The following WWTR1 variants were observed in gnomAD, a reference collection of about 807,000 sequenced individuals.
WWTR1 encodes the protein WW domain-containing transcription regulator protein 1.
WWTR1 carries 13 observed loss-of-function variants against 40.1 expected under a neutral mutation model. The observed-to-expected ratio is 0.32, with a 90% CI of 0.21 to 0.52. The LOEUF (loss-of-function observed/expected upper bound fraction) is 0.52. Among genes scored for constraint, WWTR1 ranks in the 20% least tolerant of loss-of-function variants. The pLI is 0.97. For missense variants in WWTR1, 436 were observed against 523.1 expected (o/e 0.83, Z 1.63); for synonymous variants, 230 against 210.1 (o/e 1.09, Z -0.82).
At chr3:149,569,428 T>A (rs1277038306) in intron 3 of WWTR1, among the ~76,000 whole-genome samples, 1 of 152,166 alleles carries the variant, frequency 6.6e-6, no homozygotes, top group Non-Finnish European at 1.5e-5. Context: ...ATAATCCCCA[T>A]TGTACATATG....
At chr3:149,719,158 TTC>T (rs903537159) in intron 4 of WWTR1, among the ~76,000 whole-genome samples, 2 of 150,924 alleles carry the variant, frequency 1.3e-5, no homozygotes, top group Admixed American at 1.3e-4. Flanking sequence ...CTGAATAATA[TTC>T]TTTTTCTTTT....
chr3:149,625,512 A>G (rs1470823473), intron 2 of WWTR1, among the ~76,000 whole-genome samples: 1 of 151,190 alleles, frequency 6.6e-6, no homozygotes, highest in East Asian at 2.0e-4. Flanking sequence ...GGGGCTGAGC[A>G]TGGTATGGTG....
At chr3:149,633,934 T>C (rs1038389948) in intron 2 of WWTR1, among the ~76,000 whole-genome samples, 10 of 152,122 alleles carry the variant, frequency 6.6e-5, no homozygotes, top group African/African-American at 2.4e-4. Context: ...AGAAGAGTTC[T>C]GTAGCAGGAA....
intron 2 of WWTR1, among the ~76,000 whole-genome samples, chr3:149,615,401 A>G (rs968826360): frequency 6.6e-6 from 1 of 152,232 alleles, no homozygotes; most frequent in African/African-American, 2.4e-5. Flanking sequence ...CAAATTTAAA[A>G]CATTTCTAAA....
Position 149,517,491 on chromosome 3 carries a change from G to A in WWTR1, c.*3314C>T, listed in dbSNP as rs1324527431. 2.0e-5 allele frequency: 3 copies of A among 152,072 alleles called. No homozygotes were observed. The highest frequency in any genetic ancestry group is 2.9e-5 in the Non-Finnish European group (2 of 68,006). The allele number at this position is 152,072 out of a possible 1,614,324, so 9.4% of individuals were successfully genotyped here. ...CATTTTCCCAATTAAATTAACCTACGATTTCCTTTTTTTAACAGCTTATTT... is the reference window on the plus strand; with the variant it reads ...CATTTTCCCAATTAAATTAACCTACAATTTCCTTTTTTTAACAGCTTATTT... On this transcript the variant is annotated 3_prime_UTR_variant, in exon 7 of 7. Coordinates refer to ENST00000360632, the MANE Select transcript of WWTR1 (RefSeq NM_015472.6).
chr3:149,603,854 C>CAAAAAAAAAAAAAA (rs370980729), intron 2 of WWTR1, among the ~76,000 whole-genome samples: 1 of 83,284 alleles, frequency 1.2e-5, no homozygotes, highest in Non-Finnish European at 2.3e-5. Context: ...AGCGGCATAC[C>CAAAAAAAAAAAAAA]AAAAAAAAAA....
chr3:149,549,213 C>T (rs1466280206), intron 3 of WWTR1, among the ~76,000 whole-genome samples: 1 of 152,148 alleles, frequency 6.6e-6, no homozygotes, highest in East Asian at 1.9e-4. Flanking sequence ...TGAGTGGTGG[C>T]TGATGGGAGT....
chr3:149,603,463 A>G (rs890334267), intron 2 of WWTR1, among the ~76,000 whole-genome samples: 33 of 152,026 alleles, frequency 2.2e-4, no homozygotes, highest in African/African-American at 8.0e-4. Context: ...ACATAAAAAC[A>G]CTGCTTTATG....
At chr3:149,670,538 G>A (rs2060496) in intron 1 of WWTR1, among the ~76,000 whole-genome samples, 56,623 of 151,582 alleles carry the variant, frequency 0.37, 10,961 homozygotes, top group Middle Eastern at 0.55. Flanking sequence ...CAGCTACTCG[G>A]GAGGATGAGG....
intron 1 of WWTR1, among the ~76,000 whole-genome samples, chr3:149,671,306 A>G (rs1714079772): frequency 6.6e-6 from 1 of 152,176 alleles, no homozygotes; most frequent in Non-Finnish European, 1.5e-5. Flanking sequence ...GTGTATGAAC[A>G]CTGTCTAAGG....
chr3:149,560,115 G>C (rs1737020157), intron 3 of WWTR1, among the ~76,000 whole-genome samples: 1 of 152,170 alleles, frequency 6.6e-6, no homozygotes, highest in Non-Finnish European at 1.5e-5. Flanking sequence ...GCTCCATTTA[G>C]GTCTTCTTGA....
In WWTR1 at chr3:149,542,342, A is replaced by G. The variant is rs913701447; in HGVS notation, c.764T>C (p.Met255Thr). ...CACCATGGAAAGCCATACCTGCCTC[A>G]TGAGCTCCTCTTGGCGCATTCGAAT... ...ERIRMRQEEL[M>T]RQEAALCRQL... is the part of the protein sequence containing the mutation. Residue 255 changes from methionine (M) to threonine (T), a missense_variant, in exon 4 of 7, where the codon ATG (methionine) becomes ACG (threonine). Coordinates refer to ENST00000360632, the MANE Select transcript of WWTR1 (RefSeq NM_015472.6). 6.8e-6 allele frequency: 11 copies of G among 1,613,224 alleles called. No homozygotes were observed. The highest frequency in any genetic ancestry group is 6.7e-5 in the Admixed American group (4 of 59,992).
intron 1 of WWTR1, among the ~76,000 whole-genome samples, chr3:149,696,099 C>A (rs1417791205): frequency 9.6e-6 from 1 of 104,560 alleles, no homozygotes; most frequent in Non-Finnish European, 1.7e-5. Flanking sequence ...GGCGACAGAG[C>A]GAGACTCTGT....
intron 1 of WWTR1, among the ~76,000 whole-genome samples, chr3:149,698,614 G>A (rs1715070495): frequency 1.3e-5 from 2 of 152,332 alleles, no homozygotes; most frequent in South Asian, 2.1e-4. Flanking sequence ...CCTTAGTAGA[G>A]TTTCTCTCTA....
At chr3:149,547,694 T>C (rs1736429916) in intron 3 of WWTR1, among the ~76,000 whole-genome samples, 2 of 152,096 alleles carry the variant, frequency 1.3e-5, no homozygotes, top group South Asian at 4.1e-4. Context: ...GATTTCTCCA[T>C]AGAAGCAGGA....
intron 1 of WWTR1, among the ~76,000 whole-genome samples, chr3:149,693,120 CA>C (rs1210845354): frequency 6.6e-6 from 1 of 152,122 alleles, no homozygotes; most frequent in Non-Finnish European, 1.5e-5. Context: ...AACTAATAAA[CA>C]AATTTCATAA....
chr3:149,657,039 A>T lies in WWTR1; in HGVS notation c.268T>A (p.Ser90Thr), dbSNP rs1273337367. ...GTGCCCAGCTGCAGGGACGCGGGCG[A>T]CGAGTGCGAGCGGACATGCTGGGCA... ...GGAQHVRSHSSPASLQLGTGA... is the reference protein window; with the variant it reads ...GGAQHVRSHSTPASLQLGTGA... The change falls in exon 2 of 7, where the codon TCG (serine) becomes ACG (threonine). Residue 90 changes from serine to threonine, a missense_variant. Ser to Thr is a moderately conservative substitution (Grantham distance 58). Transcript: ENST00000360632. 1 of 1,582,476 alleles carries T rather than the reference A, an allele frequency of 6.3e-7. No individual in the cohort carries two copies. Among genetic ancestry groups the T allele is most frequent in the Non-Finnish European group, 8.6e-7 (1 of 1,169,318 alleles).
chr3:149,686,172 C>G (rs1714637981), intron 1 of WWTR1, among the ~76,000 whole-genome samples: 1 of 152,078 alleles, frequency 6.6e-6, no homozygotes, highest in South Asian at 2.1e-4. Flanking sequence ...GATGCAGTGC[C>G]CCACAATGAC....
intron 2 of WWTR1, among the ~76,000 whole-genome samples, chr3:149,574,831 ACGC>A (rs1259278894): frequency 6.6e-6 from 1 of 151,442 alleles, no homozygotes; most frequent in Non-Finnish European, 1.5e-5. Flanking sequence ...GCGGTGGCTC[ACGC>A]CTCTAATCCC....
Sources: allele counts gnomAD v4.1 joint callset (sites outside exome capture counted in the v4.1 genomes callset), GRCh38; gene constraint gnomAD v4.1.1; transcripts MANE v1.5; gene names NCBI Gene and HGNC (gene_info 2026-07-23, HGNC 2026-07-21).